Variants in NAA35 observed in about 807,000 individuals in gnomAD.
NAA35 encodes MAK10 homolog, amino-acid N-acetyltransferase subunit.
Under a neutral mutation model 101.7 loss-of-function variants are expected in NAA35, and 18 were observed. The ratio of observed to expected loss-of-function variants is 0.18; its 90% CI spans 0.12 to 0.26. The LOEUF (loss-of-function observed/expected upper bound fraction) is 0.26, where lower values mean the gene tolerates loss of function less well. NAA35 is among the 10% of genes least tolerant of loss of function. The pLI is 1.00. For missense variants in NAA35, 601 were observed against 886.8 expected (o/e 0.68, Z 4.09); for synonymous variants, 267 against 273.1 (o/e 0.98, Z 0.22).
intron 12 of NAA35, among the ~76,000 whole-genome samples, chr9:86,002,495 G>A (rs1239405744): frequency 6.6e-6 from 1 of 152,250 alleles, no homozygotes; most frequent in African/African-American, 2.4e-5. Context: ...AGGGATGCCA[G>A]TGATTCAAAG....
intron 9 of NAA35, 47 bp downstream of exon 9, chr9:85,976,782 G>T: frequency 7.1e-7 from 1 of 1,400,942 alleles, no homozygotes; most frequent in African/African-American, 1.5e-5. Context: ...AAGTCTACCT[G>T]TTAATGTTGT....
intron 11 of NAA35, among the ~76,000 whole-genome samples, chr9:85,981,734 C>G (rs1830448764): frequency 6.6e-6 from 1 of 152,132 alleles, no homozygotes; most frequent in Non-Finnish European, 1.5e-5. Flanking sequence ...TGGGTAATAC[C>G]TTTTAGCTGG....
At position 86,016,593 on chromosome 9, in the gene NAA35, T is replaced by C. The variant is rs1424779167; in HGVS notation, c.1623T>C (p.Asp541=). 2.5e-6 allele frequency: 4 copies of C among 1,613,934 alleles called. No homozygotes were observed. The highest frequency in any genetic ancestry group is 3.4e-6 in the Non-Finnish European group (4 of 1,179,996). The change falls in exon 18 of 23, where the codon GAT becomes GAC. Residue 541 remains aspartate, a synonymous_variant. Transcript: ENST00000361671. ...TGATGTCAACATTGAGTCGTGCCGA[T>C]GGCTCTCAAATGGCAGAGGAAAGGA... The part of the protein sequence containing the change: ...AWLMSTLSRA[D]GSQMAEERIM...
intron 4 of NAA35, 54 bp from the exon 5 acceptor site, chr9:85,959,739 A>G: frequency 8.2e-7 from 1 of 1,213,718 alleles, no homozygotes; most frequent in Non-Finnish European, 1.2e-6. Flanking sequence ...ATACATAGTA[A>G]CCATAAGTTT....
intron 6 of NAA35, among the ~76,000 whole-genome samples, chr9:85,966,082 G>T (rs923068466): frequency 5.9e-5 from 9 of 152,184 alleles, no homozygotes; most frequent in African/African-American, 2.2e-4. Context: ...TAAGACTGCA[G>T]ATGTGTTCCA....
At position 85,957,934 on chromosome 9, in the gene NAA35, T is replaced by C. The variant is rs936754578; in HGVS notation, c.159-538T>C. ...GTCTAGTGTGAGACCACAGACATCT[T>C]ATATATTTTCTTTTTTTTTTTTTTG... On this transcript the variant is annotated intron_variant, in intron 3 of 22. Coordinates refer to ENST00000361671, the MANE Select transcript of NAA35 (RefSeq NM_024635.4). Among the ~76,000 whole-genome samples, 72 of 151,854 alleles carry C rather than the reference T, an allele frequency of 4.7e-4. 1 individual carries two copies. Among genetic ancestry groups the C allele is most frequent in the South Asian group, 8.3e-4 (4 of 4,812 alleles).
At chr9:85,994,234 A>C (rs1041327783) in intron 11 of NAA35, among the ~76,000 whole-genome samples, 1 of 152,192 alleles carries the variant, frequency 6.6e-6, no homozygotes, top group Non-Finnish European at 1.5e-5. Context: ...TTACATCCAC[A>C]TTGCTGTGCA....
intron 11 of NAA35, among the ~76,000 whole-genome samples, chr9:85,991,228 G>A (rs1240655735): frequency 6.6e-6 from 1 of 152,096 alleles, no homozygotes; most frequent in Non-Finnish European, 1.5e-5. Flanking sequence ...GGCATGGGGT[G>A]TGGGAGTCCA....
At chr9:86,021,010 G>C in intron 22 of NAA35, 41 bp downstream of exon 22, 1 of 1,442,188 alleles carries the variant, frequency 6.9e-7, no homozygotes, top group Middle Eastern at 1.9e-4. Flanking sequence ...TTAGATTATT[G>C]TGAAGTTTCA....
intron 6 of NAA35, among the ~76,000 whole-genome samples, chr9:85,974,706 A>T (rs1288303955): frequency 1.3e-5 from 2 of 152,190 alleles, no homozygotes; most frequent in Non-Finnish European, 2.9e-5. Flanking sequence ...CTTATATGGC[A>T]AGTGAACGTA....
intron 11 of NAA35, among the ~76,000 whole-genome samples, chr9:85,987,718 G>A (rs1430409781): frequency 6.6e-6 from 1 of 152,176 alleles, no homozygotes; most frequent in Non-Finnish European, 1.5e-5. Flanking sequence ...TCTTTCCAGT[G>A]TCTTAAAAAA....
chr9:86,014,028 G>C (rs545464201), intron 17 of NAA35, 131 bp downstream of exon 17: 1 of 651,564 alleles, frequency 1.5e-6, no homozygotes, highest in East Asian at 2.8e-5. Context: ...GGAAAAATTT[G>C]AAAATTAGAG....
intron 2 of NAA35, among the ~76,000 whole-genome samples, chr9:85,955,869 G>A (rs1194052952): frequency 6.6e-6 from 1 of 152,052 alleles, no homozygotes; most frequent in Non-Finnish European, 1.5e-5. Context: ...TGCTTTATAG[G>A]GATTGAACAC....
At chr9:86,000,359 C>CT (rs1831370613) in intron 12 of NAA35, among the ~76,000 whole-genome samples, 1 of 152,016 alleles carries the variant, frequency 6.6e-6, no homozygotes, top group African/African-American at 2.4e-5. Context: ...CTGAAGTCTT[C>CT]TTTTTTTGTT....
At chr9:86,007,705 A>G (rs1831710218) in intron 14 of NAA35, among the ~76,000 whole-genome samples, 2 of 152,146 alleles carry the variant, frequency 1.3e-5, no homozygotes, top group South Asian at 4.2e-4. Flanking sequence ...AAGTCCTTAA[A>G]CTTTGCCGTA....
chr9:85,951,784 A>C lies in NAA35; in HGVS notation c.125-4576A>C, dbSNP rs551621364. Among the ~76,000 whole-genome samples, 6 of 152,194 alleles carry C rather than the reference A, an allele frequency of 3.9e-5. No individual in the cohort carries two copies. In the East Asian group the frequency reaches 7.7e-4, roughly 20 times the overall value. ...ATTCTCCTGCCTCAGCATCCTGAAT[A>C]GAGTAGCTGGGATTACAGGTGTGCA... On this transcript the variant is annotated intron_variant, in intron 2 of 22. Coordinates refer to ENST00000361671, the MANE Select transcript of NAA35 (RefSeq NM_024635.4).
intron 2 of NAA35, among the ~76,000 whole-genome samples, chr9:85,951,999 A>T (rs1388731162): frequency 1.3e-5 from 2 of 152,152 alleles, no homozygotes; most frequent in Non-Finnish European, 2.9e-5. Context: ...ATTATACAAT[A>T]TTAATAAGCA....
rs372365236 is a variant in NAA35, at chr9:85,964,850, A to G, written c.516+2670A>G. On this transcript the variant is annotated intron_variant, in intron 6 of 22. Transcript: ENST00000361671. Reference sequence around the variant, plus strand: ...TCCATGAAGATTTTGTCTTATTACCATATGGTTACTGTTTTTTTCCCTTTG... The same window carrying G: ...TCCATGAAGATTTTGTCTTATTACCGTATGGTTACTGTTTTTTTCCCTTTG... Among the ~76,000 whole-genome samples, 246 of 152,292 alleles carry G rather than the reference A, an allele frequency of 1.6e-3. 1 individual carries two copies. The highest frequency in any genetic ancestry group is 3.8e-3 in the African/African-American group (156 of 41,576).
At chr9:85,971,348 A>G (rs1829990744) in intron 6 of NAA35, among the ~76,000 whole-genome samples, 1 of 152,112 alleles carries the variant, frequency 6.6e-6, no homozygotes, top group Non-Finnish European at 1.5e-5. Flanking sequence ...CACACTGTGA[A>G]ATACTTTTTT....
Sources: gnomAD v4.1 joint callset for allele counts (sites outside exome capture counted in the v4.1 genomes callset) on GRCh38, gnomAD v4.1.1 for gene constraint, MANE v1.5 for transcripts, NCBI Gene and HGNC (gene_info 2026-07-23, HGNC 2026-07-21) for gene names.